The following SHANK2 variants were observed in gnomAD, a reference collection of about 807,000 sequenced individuals.
SHANK2 encodes SH3 and multiple ankyrin repeat domains 2.
In SHANK2, 43 loss-of-function variants were observed where a neutral mutation model predicts 133.7. That is an observed-to-expected ratio of 0.32 (90% CI 0.25 to 0.41). SHANK2 has a LOEUF of 0.41. Among genes scored for constraint, SHANK2 ranks in the 10% least tolerant of loss-of-function variants. The pLI, the probability that SHANK2 is intolerant of heterozygous loss-of-function variation, is 1.00. For synonymous variants in SHANK2, 1,017 were observed against 952.8 expected (o/e 1.07, Z -1.24); for missense variants, 1,994 against 2,235.8 (o/e 0.89, Z 2.18).
intron 14 of SHANK2, among the ~76,000 whole-genome samples, chr11:70,749,898 T>C (rs116472158): frequency 0.016 from 2,490 of 152,178 alleles, 57 homozygotes; most frequent in African/African-American, 0.057. Flanking sequence ...ATAATCACAG[T>C]CACAGAGAAC....
At chr11:70,575,989 A>T (rs562969246) in intron 17 of SHANK2, among the ~76,000 whole-genome samples, 45 of 151,974 alleles carry the variant, frequency 3.0e-4, no homozygotes, top group Non-Finnish European at 5.4e-4. Context: ...CTGAGCATTG[A>T]GAGTCAGGAA....
chr11:70,701,606 G>A (rs985015462), intron 14 of SHANK2, among the ~76,000 whole-genome samples: 10 of 152,032 alleles, frequency 6.6e-5, no homozygotes, highest in Middle Eastern at 3.4e-3. Context: ...GGGTTTCACC[G>A]TGTTAGCCAG....
chr11:70,699,081 C>T (rs2134489605), intron 14 of SHANK2, among the ~76,000 whole-genome samples: 1 of 152,302 alleles, frequency 6.6e-6, no homozygotes, highest in Admixed American at 6.5e-5. Context: ...GCCAGGCCAG[C>T]TCAGACCCCA....
At chr11:70,855,113 G>C (rs996485091) in intron 11 of SHANK2, among the ~76,000 whole-genome samples, 1 of 152,246 alleles carries the variant, frequency 6.6e-6, no homozygotes, top group Admixed American at 6.5e-5. Context: ...ATATGGCCCA[G>C]TGGCTCTGGC....
At chr11:71,088,259 T>A (rs1951445482) in intron 8 of SHANK2, among the ~76,000 whole-genome samples, 1 of 152,182 alleles carries the variant, frequency 6.6e-6, no homozygotes, top group Admixed American at 6.5e-5. Flanking sequence ...GCTCCACCAC[T>A]GCATGAGCCA....
At chr11:71,098,219 CTG>C (rs551928433) in intron 6 of SHANK2, among the ~76,000 whole-genome samples, 51 of 146,592 alleles carry the variant, frequency 3.5e-4, no homozygotes, top group African/African-American at 8.4e-4. Flanking sequence ...GTGTGCATGC[CTG>C]TGTGTCTACA....
intron 9 of SHANK2, among the ~76,000 whole-genome samples, chr11:71,064,258 G>A (rs1235282020): frequency 1.3e-5 from 2 of 152,352 alleles, no homozygotes; most frequent in East Asian, 3.9e-4. Flanking sequence ...ACAACGTCAG[G>A]ACGGGTGGGT....
At chr11:70,731,265 G>A (rs782597801) in intron 14 of SHANK2, among the ~76,000 whole-genome samples, 7 of 152,198 alleles carry the variant, frequency 4.6e-5, no homozygotes, top group African/African-American at 1.2e-4. Context: ...GCCAAGGAGC[G>A]AGGCCTCACT....
chr11:71,149,394 G>A (rs558187509), intron 2 of SHANK2, among the ~76,000 whole-genome samples: 11 of 152,262 alleles, frequency 7.2e-5, no homozygotes, highest in East Asian at 1.9e-4. Flanking sequence ...AAGATTGGCC[G>A]CCCCATAATT....
intron 24 of SHANK2, among the ~76,000 whole-genome samples, chr11:70,488,744 C>T (rs557518925): frequency 7.0e-4 from 107 of 152,358 alleles, no homozygotes; most frequent in African/African-American, 2.5e-3. Context: ...CCACCATAAT[C>T]GCAACTAACC....
chr11:70,816,241 C>G (rs1406685623), intron 12 of SHANK2, among the ~76,000 whole-genome samples: 3 of 152,246 alleles, frequency 2.0e-5, no homozygotes, highest in Non-Finnish European at 4.4e-5. Context: ...GTCATCAGCC[C>G]CACTTTACAC....
intron 14 of SHANK2, among the ~76,000 whole-genome samples, chr11:70,765,756 G>T (rs1947107172): frequency 6.6e-6 from 1 of 152,110 alleles, no homozygotes; most frequent in Admixed American, 6.5e-5. Context: ...ATGCATCTGG[G>T]GCAAGTCCCT....
At chr11:71,169,247 G>A (rs573133194) in intron 2 of SHANK2, among the ~76,000 whole-genome samples, 1 of 152,212 alleles carries the variant, frequency 6.6e-6, no homozygotes, top group South Asian at 2.1e-4. Flanking sequence ...CTAAGCTCGT[G>A]TTTCATTTTT....
intron 11 of SHANK2, among the ~76,000 whole-genome samples, chr11:70,841,305 G>A (rs1948900562): frequency 6.6e-6 from 1 of 152,178 alleles, no homozygotes; most frequent in African/African-American, 2.4e-5. Flanking sequence ...AGTGAAAGGT[G>A]GGCAGTGGCA....
intron 3 of SHANK2, among the ~76,000 whole-genome samples, chr11:71,145,856 C>T (rs1355254356): frequency 1.4e-4 from 22 of 152,312 alleles, no homozygotes; most frequent in African/African-American, 5.1e-4. Flanking sequence ...CCTCAAGCAC[C>T]TGCAGCAGCC....
rs1555055688 is a variant in SHANK2 at position 70,820,575 on chromosome 11, C to T, written c.1282G>A (p.Ala428Thr). 8.4e-6 allele frequency: 6 copies of T among 716,834 alleles called. No homozygotes were observed. The highest frequency in any genetic ancestry group is 4.6e-4 in the Middle Eastern group (2 of 4,362). The allele number at this position is 716,834 out of a possible 1,614,324, so 44.4% of individuals were successfully genotyped here. A position where few individuals can be genotyped will look rare whatever the true frequency, so the allele number is the denominator to read the frequency against. Residue 428 changes from alanine to threonine, a missense_variant, in exon 12 of 26, where the codon GCC (alanine) becomes ACC (threonine). Ala to Thr is a moderately conservative substitution (Grantham distance 58). This residue lies in a region of SHANK2 where 653 missense variants were observed against 563.4 expected (regional missense o/e 1.16). Transcript: ENST00000601538. ...CAGACGGCCCAGTCGGGAGCGCTGG[C>T]ATTGAGGTTGTTGTCACTGTTGGAG... ...LRSNSDNNLNASAPDWAVCST... is the reference protein window; with the variant it reads ...LRSNSDNNLNTSAPDWAVCST...
intron 9 of SHANK2, among the ~76,000 whole-genome samples, chr11:71,064,883 A>G (rs1393411387): frequency 6.6e-6 from 1 of 152,152 alleles, no homozygotes; most frequent in Admixed American, 6.5e-5. Flanking sequence ...AGGAGCAGAC[A>G]TCACTGCCAG....
At position 70,611,258 on chromosome 11, in the gene SHANK2, G is replaced by A. The variant is rs577601416; in HGVS notation, c.2061+48570C>T. 5.3e-5 allele frequency among the ~76,000 whole-genome samples: 8 copies of A among 152,360 alleles called. No homozygotes were observed. The South Asian group carries it at 1.2e-3, about 24-fold the overall frequency. ...GGTTGGCAGAAGCTCACAAAGGGGA[G>A]TTTATCAGTGTTGCAAAGGGCATGT... On this transcript the variant is annotated intron_variant, in intron 17 of 25. Coordinates refer to ENST00000601538, the MANE Select transcript of SHANK2 (RefSeq NM_012309.5).
intron 2 of SHANK2, among the ~76,000 whole-genome samples, chr11:71,157,909 G>A (rs1485503509): frequency 6.6e-6 from 1 of 152,110 alleles, no homozygotes; most frequent in Non-Finnish European, 1.5e-5. Context: ...GCCCCTCCTG[G>A]GACACTGCCC....
Sources: allele counts gnomAD v4.1 joint callset (sites outside exome capture counted in the v4.1 genomes callset), GRCh38; gene constraint gnomAD v4.1.1; regional missense constraint gnomAD v4.1.1; transcripts MANE v1.5; gene names NCBI Gene and HGNC (gene_info 2026-07-23, HGNC 2026-07-21).